Variants in KCNIP4 observed in about 807,000 individuals in gnomAD.
KCNIP4 encodes the protein potassium voltage-gated channel interacting protein 4.
KCNIP4 carries 12 observed loss-of-function variants against 34.0 expected under a neutral mutation model. The observed-to-expected ratio is 0.35, with a 90% CI of 0.23 to 0.57. The LOEUF (loss-of-function observed/expected upper bound fraction) is 0.57, where lower values mean the gene tolerates loss of function less well. Ranked by LOEUF, KCNIP4 falls within the 20% of genes least tolerant of loss-of-function variation. The pLI, the probability that KCNIP4 is intolerant of heterozygous loss-of-function variation, is 0.83. For synonymous variants in KCNIP4, 124 were observed against 102.2 expected, an observed-to-expected ratio of 1.21 and a Z score of -1.29; for missense variants, 238 against 311.7, an observed-to-expected ratio of 0.76 and a Z score of 1.78.
chr4:21,923,752 T>C (rs1247640691), intron 1 of KCNIP4, among the ~76,000 whole-genome samples: 1 of 152,224 alleles, frequency 6.6e-6, no homozygotes, highest in African/African-American at 2.4e-5. Flanking sequence ...CTGCCTCTGC[T>C]GGCTATTTGC....
chr4:21,469,032 A>G (rs1730234136), intron 1 of KCNIP4, among the ~76,000 whole-genome samples: 1 of 151,968 alleles, frequency 6.6e-6, no homozygotes. Flanking sequence ...TTATTCTATT[A>G]TATTATTATA....
At chr4:20,785,562 G>T (rs1711869749) in intron 3 of KCNIP4, among the ~76,000 whole-genome samples, 1 of 151,962 alleles carries the variant, frequency 6.6e-6, no homozygotes, top group Admixed American at 6.6e-5. Context: ...CACGTACATT[G>T]CTCAACATAC....
intron 1 of KCNIP4, among the ~76,000 whole-genome samples, chr4:21,562,433 C>A (rs1020205619): frequency 1.3e-5 from 2 of 151,884 alleles, no homozygotes; most frequent in African/African-American, 4.8e-5. Context: ...CTAAATGGTC[C>A]CTTCACCTCT....
chr4:20,797,831 C>A (rs60763563), intron 3 of KCNIP4, among the ~76,000 whole-genome samples: 12,660 of 152,190 alleles, frequency 0.083, 618 homozygotes, highest in East Asian at 0.21. Context: ...TGATCTTAGA[C>A]GTGGATTTTC....
At chr4:21,454,521 T>C (rs1728765972) in intron 1 of KCNIP4, among the ~76,000 whole-genome samples, 1 of 152,118 alleles carries the variant, frequency 6.6e-6, no homozygotes, top group South Asian at 2.1e-4. Context: ...GCTTCTGATA[T>C]GCTAAGAAAC....
chr4:21,563,283 G>A (rs1408422193), intron 1 of KCNIP4, among the ~76,000 whole-genome samples: 2 of 152,028 alleles, frequency 1.3e-5, no homozygotes, highest in Admixed American at 6.6e-5. Context: ...AACTTTCTGT[G>A]TGTTTGAAGC....
At chr4:21,030,170 G>C (rs1261897328) in intron 1 of KCNIP4, among the ~76,000 whole-genome samples, 1 of 152,122 alleles carries the variant, frequency 6.6e-6, no homozygotes, top group African/African-American at 2.4e-5. Context: ...CCCATGGCTT[G>C]CATTACTGCC....
intron 1 of KCNIP4, among the ~76,000 whole-genome samples, chr4:20,910,035 A>C (rs1368858981): frequency 6.6e-6 from 1 of 152,200 alleles, no homozygotes; most frequent in East Asian, 1.9e-4. Flanking sequence ...GCCACTGGGC[A>C]GTTTTTCGAT....
intron 1 of KCNIP4, among the ~76,000 whole-genome samples, chr4:21,885,304 A>G (rs1021244381): frequency 1.3e-5 from 2 of 152,188 alleles, no homozygotes; most frequent in African/African-American, 2.4e-5. Context: ...GGAAGCCACT[A>G]CATTCTGTAG....
chr4:21,158,052 C>T (rs931504414), intron 1 of KCNIP4, among the ~76,000 whole-genome samples: 8 of 151,434 alleles, frequency 5.3e-5, no homozygotes, highest in East Asian at 1.9e-4. Context: ...AAAAAAAACA[C>T]GCATGTGAAA....
At chr4:20,771,480 AAG>A (rs1755873299) in intron 3 of KCNIP4, among the ~76,000 whole-genome samples, 2 of 152,162 alleles carry the variant, frequency 1.3e-5, no homozygotes, top group African/African-American at 4.8e-5. Flanking sequence ...TTTCTACAGA[AAG>A]AGAAAATAAA....
intron 1 of KCNIP4, among the ~76,000 whole-genome samples, chr4:20,914,551 TATG>T (rs146246752): frequency 0.044 from 6,705 of 152,270 alleles, 309 homozygotes; most frequent in African/African-American, 0.12. Context: ...CCACTCAGTT[TATG>T]ATATTTTATT....
At chr4:21,443,810 G>A (rs1727707118) in intron 1 of KCNIP4, among the ~76,000 whole-genome samples, 1 of 152,120 alleles carries the variant, frequency 6.6e-6, no homozygotes, top group African/African-American at 2.4e-5. Flanking sequence ...ATTTGTGCCT[G>A]AAGGTCCAGC....
At chr4:21,388,386 T>C (rs1722230657) in intron 1 of KCNIP4, among the ~76,000 whole-genome samples, 1 of 151,960 alleles carries the variant, frequency 6.6e-6, no homozygotes, top group African/African-American at 2.4e-5. Flanking sequence ...CCCTATTTCA[T>C]AATGAGGCTT....
chr4:21,849,841 G>GTGTGTGTC (rs1285381864), intron 1 of KCNIP4: 2 of 151,946 alleles, frequency 1.3e-5, no homozygotes, highest in African/African-American at 4.8e-5. Context: ...TGATAAATGT[G>GTGTGTGTC]TGTGTGTCTG....
chr4:21,615,874 C>T (rs933187487), intron 1 of KCNIP4, among the ~76,000 whole-genome samples: 1 of 152,202 alleles, frequency 6.6e-6, no homozygotes, highest in African/African-American at 2.4e-5. Flanking sequence ...TCTCCAAGGC[C>T]ACCACTTTGC....
chr4:20,786,327 A>G (rs1407563845), intron 3 of KCNIP4, among the ~76,000 whole-genome samples: 2 of 152,162 alleles, frequency 1.3e-5, no homozygotes, highest in Non-Finnish European at 2.9e-5. Flanking sequence ...AAGGACTGAA[A>G]GACTTTCTAT....
chr4:20,947,205 G>A (rs953552275), intron 1 of KCNIP4, among the ~76,000 whole-genome samples: 3 of 152,126 alleles, frequency 2.0e-5, no homozygotes, highest in African/African-American at 7.2e-5. Flanking sequence ...TTCTCACTCT[G>A]CTGTCCAGGG....
intron 1 of KCNIP4, among the ~76,000 whole-genome samples, chr4:21,598,259 T>C (rs1457920672): frequency 6.6e-6 from 1 of 152,128 alleles, no homozygotes; most frequent in Non-Finnish European, 1.5e-5. Flanking sequence ...GTTAATCAGC[T>C]AGACCAGCTT....
Sources: allele counts gnomAD v4.1 joint callset (sites outside exome capture counted in the v4.1 genomes callset), GRCh38; gene constraint gnomAD v4.1.1; transcripts MANE v1.5; gene names NCBI Gene and HGNC (gene_info 2026-07-23, HGNC 2026-07-21).